CAMTA1: variants seen among roughly 807,000 people sequenced by gnomAD.
CAMTA1 encodes calmodulin binding transcription activator 1.
Under a neutral mutation model 170.9 loss-of-function variants are expected in CAMTA1, and 27 were observed. The ratio of observed to expected loss-of-function variants is 0.16; its 90% CI spans 0.12 to 0.22. CAMTA1 has a LOEUF of 0.22. CAMTA1 is among the 10% of genes least tolerant of loss of function. The probability of loss-of-function intolerance (pLI) is 1.00; values close to 1 mark genes in which losing one functional copy is unlikely to be tolerated. For missense variants in CAMTA1, 1,619 were observed against 2,217.2 expected, an observed-to-expected ratio of 0.73 and a Z score of 5.42; for synonymous variants, 833 against 891.5, an observed-to-expected ratio of 0.93 and a Z score of 1.17.
chr1:7,582,295 C>T (rs1576218765), intron 6 of CAMTA1, among the ~76,000 whole-genome samples: 8 of 152,150 alleles, frequency 5.3e-5, no homozygotes. Flanking sequence ...TAATGCAATG[C>T]GTTACTGACC....
chr1:6,886,791 A>G (rs1673362211), intron 3 of CAMTA1, among the ~76,000 whole-genome samples: 1 of 152,182 alleles, frequency 6.6e-6, no homozygotes, highest in African/African-American at 2.4e-5. Context: ...CCTTCCCCCA[A>G]AATAGTGAGG....
intron 4 of CAMTA1, among the ~76,000 whole-genome samples, chr1:7,215,147 C>T (rs2149092979): frequency 7.0e-6 from 1 of 143,840 alleles, no homozygotes; most frequent in South Asian, 2.4e-4. Context: ...TGAAGTTTAG[C>T]TTGTGATTAT....
At chr1:7,543,097 G>A (rs548253341) in intron 6 of CAMTA1, among the ~76,000 whole-genome samples, 55 of 151,970 alleles carry the variant, frequency 3.6e-4, no homozygotes, top group Admixed American at 1.0e-3. Context: ...TCGAACTCCT[G>A]ACCTCGTAAT....
chr1:7,038,701 A>G (rs1429625031), intron 3 of CAMTA1, among the ~76,000 whole-genome samples: 1 of 152,224 alleles, frequency 6.6e-6, no homozygotes, highest in Non-Finnish European at 1.5e-5. Flanking sequence ...TTCTTTTGAA[A>G]CATTAGTTTT....
At chr1:7,156,308 T>C in intron 4 of CAMTA1, among the ~76,000 whole-genome samples, 1 of 145,112 alleles carries the variant, frequency 6.9e-6, no homozygotes. Flanking sequence ...TAGGAGAGGG[T>C]CTCTATCTTC....
At chr1:6,822,794 C>CCACA (rs3061932) in intron 2 of CAMTA1, among the ~76,000 whole-genome samples, 4,246 of 146,536 alleles carry the variant, frequency 0.029, 69 homozygotes, top group Non-Finnish European at 0.033. Context: ...TACATAAATA[C>CCACA]CACACACACA....
At chr1:7,754,486 A>G (rs1345841842) in intron 21 of CAMTA1, among the ~76,000 whole-genome samples, 1 of 152,180 alleles carries the variant, frequency 6.6e-6, no homozygotes, top group African/African-American at 2.4e-5. Flanking sequence ...GAGTTAAGAG[A>G]ATGAGATATT....
chr1:7,371,075 G>C (rs845220), intron 5 of CAMTA1, among the ~76,000 whole-genome samples: 138,423 of 151,640 alleles, frequency 0.91, 63,277 homozygotes, highest in East Asian at 0.99. Flanking sequence ...CCACGCGCAG[G>C]TAATTTTTTG....
chr1:6,795,312 T>G (rs1330038138), intron 1 of CAMTA1, among the ~76,000 whole-genome samples: 1 of 151,992 alleles, frequency 6.6e-6, no homozygotes. Context: ...CTCAGCCCCC[T>G]GAGTGACTGG....
intron 3 of CAMTA1, among the ~76,000 whole-genome samples, chr1:7,001,530 A>G (rs1181225606): frequency 6.6e-6 from 1 of 152,234 alleles, no homozygotes; most frequent in Non-Finnish European, 1.5e-5. Flanking sequence ...CCCTGGAACC[A>G]CAGAGAATTC....
intron 4 of CAMTA1, among the ~76,000 whole-genome samples, chr1:7,117,829 G>C (rs1006213364): frequency 1.3e-5 from 2 of 152,104 alleles, no homozygotes; most frequent in Non-Finnish European, 2.9e-5. Flanking sequence ...GGACTCTCTC[G>C]CTTCTTCCAG....
chr1:7,514,776 T>C (rs571110569), intron 6 of CAMTA1, among the ~76,000 whole-genome samples: 1 of 152,282 alleles, frequency 6.6e-6, no homozygotes, highest in Non-Finnish European at 1.5e-5. Context: ...GACATCCACC[T>C]GGAGCTGTGG....
chr1:7,474,218 A>G (rs1307808424), intron 6 of CAMTA1, among the ~76,000 whole-genome samples: 1 of 127,656 alleles, frequency 7.8e-6, no homozygotes, highest in Non-Finnish European at 1.7e-5. Context: ...CCAACAGCAA[A>G]GAAGCAGCTA....
intron 3 of CAMTA1, among the ~76,000 whole-genome samples, chr1:7,053,135 T>C (rs2101631794): frequency 6.6e-6 from 1 of 152,320 alleles, no homozygotes; most frequent in East Asian, 1.9e-4. Flanking sequence ...GGGCAACTCT[T>C]CACTCATGAA....
rs752236906 is a variant in CAMTA1, at chr1:7,663,750, G to A, written c.1203G>A (p.Met401Ile). 5 of 1,614,104 alleles carry A rather than the reference G, an allele frequency of 3.1e-6. No individual in the cohort carries two copies. In the East Asian group the frequency reaches 1.1e-4, roughly 36 times the overall value. The change falls in exon 9 of 23, where the codon ATG (methionine) becomes ATA (isoleucine). Residue 401 changes from methionine to isoleucine, a missense_variant. Met to Ile is a conservative substitution (Grantham distance 10, BLOSUM62 1). Coordinates refer to ENST00000303635, the MANE Select transcript of CAMTA1 (RefSeq NM_015215.4). ...GSLSQSATVFMSEVTNEAVYT... is the reference protein window; with the variant it reads ...GSLSQSATVFISEVTNEAVYT... ...TGTCCCAGAGCGCCACGGTGTTCAT[G>A]TCAGAGGTCACCAATGAGGCCGTGT...
rs548280303 is a variant in CAMTA1 at position 7,093,975 on chromosome 1, G to A, written c.302+2604G>A. ...CGTTTCTGATTCTGCTTCCCATGCC[G>A]TCGGGTCTGTCCATGCACAGGTGTC... On this transcript the variant is annotated intron_variant, in intron 4 of 22. Coordinates refer to ENST00000303635, the MANE Select transcript of CAMTA1 (RefSeq NM_015215.4). The surrounding 1 kb of genome is among the most constrained non-coding windows in gnomAD (Gnocchi z 4.6). 6.8e-4 allele frequency among the ~76,000 whole-genome samples: 104 copies of A among 152,264 alleles called. No individual in the cohort carries two copies. The highest frequency in any genetic ancestry group is 3.4e-3 in the Middle Eastern group (1 of 294).
chr1:6,838,805 G>A (rs1654390901), intron 3 of CAMTA1, among the ~76,000 whole-genome samples: 1 of 152,138 alleles, frequency 6.6e-6, no homozygotes, highest in African/African-American at 2.4e-5. Flanking sequence ...CACCCAGGCT[G>A]GAGTGCAATG....
rs536688793 is a variant in CAMTA1, at chr1:7,534,757, T to C, written c.510+66856T>C. 4.4e-4 allele frequency among the ~76,000 whole-genome samples: 67 copies of C among 152,278 alleles called. No homozygotes were observed. The highest frequency in any genetic ancestry group is 1.5e-3 in the African/African-American group (64 of 41,558). ...GCAGAGTTGGGGCCTGGGGGGCTGCTGCTGGGTCAGTTTGGGGTTCCACTA... is the reference window on the plus strand; with the variant it reads ...GCAGAGTTGGGGCCTGGGGGGCTGCCGCTGGGTCAGTTTGGGGTTCCACTA... On this transcript the variant is annotated intron_variant, in intron 6 of 22. Transcript: ENST00000303635. The surrounding 1 kb of genome is among the most constrained non-coding windows in gnomAD (Gnocchi z 5.6).
chr1:7,495,621 A>C (rs74635689), intron 6 of CAMTA1, among the ~76,000 whole-genome samples: 1 of 152,180 alleles, frequency 6.6e-6, no homozygotes, highest in African/African-American at 2.4e-5. Flanking sequence ...GCCTGTTAGC[A>C]TCCCAGGGCT....
Sources: gnomAD v4.1 joint callset for allele counts (sites outside exome capture counted in the v4.1 genomes callset) on GRCh38, gnomAD v4.1.1 for gene constraint, Gnocchi (gnomAD v3.1) non-coding constraint, MANE v1.5 for transcripts, NCBI Gene and HGNC (gene_info 2026-07-23, HGNC 2026-07-21) for gene names.